The following DPYSL2 variants were observed in gnomAD, a reference collection of about 807,000 sequenced individuals.
The protein encoded by DPYSL2 is dihydropyrimidinase-related protein 2.
Under a neutral mutation model 69.9 loss-of-function variants are expected in DPYSL2, and 13 were observed. The observed-to-expected ratio is 0.19, with a 90% CI of 0.12 to 0.30. The LOEUF (loss-of-function observed/expected upper bound fraction) is 0.30. Among genes scored for constraint, DPYSL2 ranks in the 10% least tolerant of loss-of-function variants. DPYSL2 has a pLI of 1.00. For missense variants in DPYSL2, 587 were observed against 918.9 expected (o/e 0.64, Z 4.67); for synonymous variants, 326 against 359.1 (o/e 0.91, Z 1.04).
intron 7 of DPYSL2, among the ~76,000 whole-genome samples, chr8:26,630,767 C>T (rs1802753822): frequency 6.6e-6 from 1 of 152,150 alleles, no homozygotes; most frequent in African/African-American, 2.4e-5. Flanking sequence ...TAAGTGACTG[C>T]CCAGTTATCA....
At chr8:26,575,921 G>A (rs1206067493) in intron 1 of DPYSL2, among the ~76,000 whole-genome samples, 1 of 152,172 alleles carries the variant, frequency 6.6e-6, no homozygotes, top group African/African-American at 2.4e-5. Context: ...GGGACTGACT[G>A]TTGGTTTTTC....
In DPYSL2 at chr8:26,542,177, A is replaced by G. The variant is rs191310594; in HGVS notation, c.354+27498A>G. Among the ~76,000 whole-genome samples the G allele has an allele frequency of 1.8e-3, 271 of 152,268 alleles. 1 individual carries two copies. The highest frequency in any genetic ancestry group is 6.2e-3 in the African/African-American group (259 of 41,546). On this transcript the variant is annotated intron_variant, in intron 1 of 13. Coordinates refer to ENST00000521913, the MANE Select transcript of DPYSL2 (RefSeq NM_001197293.3). ...GTTGTGCATGTCTGCAGTCCTAGCT[A>G]CTAGGAAGGCTGAGGTGGGAGAATC...
chr8:26,552,045 C>G (rs886101028), intron 1 of DPYSL2, among the ~76,000 whole-genome samples: 6 of 152,116 alleles, frequency 3.9e-5, no homozygotes, highest in African/African-American at 7.2e-5. Context: ...AACACTTAGG[C>G]TCAAGCAATC....
rs1279412804 is a variant in DPYSL2 at position 26,650,186 on chromosome 8, C to T, written c.1597-2071C>T. ...TCACATGAGTCCTGCAAAGGGGGAC[C>T]TACTTACCCCTCACAGATGAGGAGG... On this transcript the variant is annotated intron_variant, in intron 11 of 13. Coordinates refer to ENST00000521913, the MANE Select transcript of DPYSL2 (RefSeq NM_001197293.3). The surrounding 1 kb of genome is among the most constrained non-coding windows in gnomAD (Gnocchi z 5.3). Among the ~76,000 whole-genome samples the T allele has an allele frequency of 6.6e-6, 1 of 152,176 alleles. No homozygotes were observed. Among genetic ancestry groups the T allele is most frequent in the East Asian group, 1.9e-4 (1 of 5,190 alleles).
intron 3 of DPYSL2, among the ~76,000 whole-genome samples, chr8:26,602,424 G>A (rs1255562713): frequency 1.3e-5 from 2 of 152,132 alleles, no homozygotes; most frequent in East Asian, 3.9e-4. Flanking sequence ...TGTTTTGGAT[G>A]TAACAGCGAT....
intron 1 of DPYSL2, among the ~76,000 whole-genome samples, chr8:26,575,567 T>C (rs1801313721): frequency 6.6e-6 from 1 of 152,218 alleles, no homozygotes; most frequent in Non-Finnish European, 1.5e-5. Flanking sequence ...GTTTATACCT[T>C]ACATTTTTGG....
chr8:26,577,992 C>T (rs1433791049), intron 1 of DPYSL2: 2 of 1,252,530 alleles, frequency 1.6e-6, no homozygotes, highest in Non-Finnish European at 2.0e-6. Context: ...TCTCTCTCTC[C>T]TTCTCTCTCT....
In DPYSL2 at chr8:26,643,303, C is replaced by T. The variant is rs889170647; in HGVS notation, c.1127-136C>T. ...CTCCAAGTCTCAGTTTCCTCATCTG[C>T]GAGATGAGCCTGATATTTCCTATAA... is the stretch of plus-strand genomic sequence containing the variant. On this transcript the variant is annotated intron_variant, in intron 8 of 13. Coordinates refer to ENST00000521913, the MANE Select transcript of DPYSL2 (RefSeq NM_001197293.3). This position sits in a 1 kb window ranked among gnomAD's most constrained non-coding sequence, Gnocchi z 6.5. 7.1e-5 allele frequency: 66 copies of T among 924,768 alleles called. No homozygotes were observed. The Admixed American group carries it at 1.1e-3, about 16-fold the overall frequency. The allele number at this position is 924,768 out of a possible 1,614,324, so 57.3% of individuals were successfully genotyped here. A position where few individuals can be genotyped will look rare whatever the true frequency, so the allele number is the denominator to read the frequency against.
At position 26,641,573 on chromosome 8, in the gene DPYSL2, C is replaced by A. The variant is rs4733048; in HGVS notation, c.1127-1866C>A. On this transcript the variant is annotated intron_variant, in intron 8 of 13. Transcript: ENST00000521913. This position sits in a 1 kb window ranked among gnomAD's most constrained non-coding sequence, Gnocchi z 4.1. ...CTCATTATGTGGTGTTTTTCCACTTCGGGATGAACCGGAGTGGTTTGTGCA... is the reference window on the plus strand; with the variant it reads ...CTCATTATGTGGTGTTTTTCCACTTAGGGATGAACCGGAGTGGTTTGTGCA... Among the ~76,000 whole-genome samples the A allele has an allele frequency of 2.0e-5, 3 of 152,214 alleles. No individual in the cohort carries two copies. The highest frequency in any genetic ancestry group is 4.4e-5 in the Non-Finnish European group (3 of 68,048).
chr8:26,594,889 G>T (rs1355913329), intron 3 of DPYSL2, among the ~76,000 whole-genome samples: 1 of 152,098 alleles, frequency 6.6e-6, no homozygotes, highest in African/African-American at 2.4e-5. Context: ...TGTATAAGAA[G>T]CTTTCTTATT....
At position 26,620,919 on chromosome 8, in the gene DPYSL2, C is replaced by G. The variant is rs1236170127; in HGVS notation, c.629-3224C>G. ...ATACAAACACACACATATGTACACA[C>G]TTGCATCCACATCTACATACACATA... On this transcript the variant is annotated intron_variant, in intron 3 of 13. Coordinates refer to ENST00000521913, the MANE Select transcript of DPYSL2 (RefSeq NM_001197293.3). The surrounding 1 kb of genome is among the most constrained non-coding windows in gnomAD (Gnocchi z 4.5). Among the ~76,000 whole-genome samples, 1 of 152,192 alleles carries G rather than the reference C, an allele frequency of 6.6e-6. No individual in the cohort carries two copies. The highest frequency in any genetic ancestry group is 1.5e-5 in the Non-Finnish European group (1 of 68,040).
At position 26,557,623 on chromosome 8, in the gene DPYSL2, C is replaced by CAAAAAAA. The variant is rs56215906; in HGVS notation, c.355-24333_355-24327dup. 4.3e-3 allele frequency among the ~76,000 whole-genome samples: 320 copies of CAAAAAAA among 74,312 alleles called. 22 individuals carry two copies. The highest frequency in any genetic ancestry group is 8.4e-3 in the South Asian group (12 of 1,424). The allele number at this position is 74,312 out of a possible 152,430, so 48.8% of individuals were successfully genotyped here. A position where few individuals can be genotyped will look rare whatever the true frequency, so the allele number is the denominator to read the frequency against. ...CAAAACCCTGTCTCTACTAAAAATA[C>CAAAAAAA]AAAAAAAAAAAAAAAAAAAGCCAGG... On this transcript the variant is annotated intron_variant, in intron 1 of 13. Coordinates refer to ENST00000521913, the MANE Select transcript of DPYSL2 (RefSeq NM_001197293.3).
chr8:26,577,787 T>C, intron 1 of DPYSL2: 2 of 991,936 alleles, frequency 2.0e-6, no homozygotes, highest in South Asian at 4.4e-5. Context: ...CATTTCGCGC[T>C]CTCGCGCCGC....
Position 26,643,404 on chromosome 8 carries a change from G to A in DPYSL2, c.1127-35G>A. ...GGGGTGGTTCCCTTCCCCCTGCATT[G>A]TGTTGGACTGAACCTTGTGTGTTCT... On this transcript the variant is annotated intron_variant, in intron 8 of 13. Coordinates refer to ENST00000521913, the MANE Select transcript of DPYSL2 (RefSeq NM_001197293.3). The surrounding 1 kb of genome is among the most constrained non-coding windows in gnomAD (Gnocchi z 6.5). 1 of 1,556,012 alleles carries A rather than the reference G, an allele frequency of 6.4e-7. No individual in the cohort carries two copies. The highest frequency in any genetic ancestry group is 1.3e-5 in the South Asian group (1 of 79,490).
At chr8:26,557,964 G>A (rs2165764) in intron 1 of DPYSL2, among the ~76,000 whole-genome samples, 15,511 of 151,792 alleles carry the variant, frequency 0.1, 876 homozygotes, top group Non-Finnish European at 0.12. Context: ...AGGATGTGGA[G>A]CAACAGGAAC....
intron 3 of DPYSL2, among the ~76,000 whole-genome samples, chr8:26,584,803 G>C (rs1333076814): frequency 6.6e-6 from 1 of 151,982 alleles, no homozygotes; most frequent in Non-Finnish European, 1.5e-5. Flanking sequence ...ATTTTTAGTA[G>C]AGACGGGGGT....
At position 26,514,705 on chromosome 8, in the gene DPYSL2, A is replaced by C; in HGVS notation, c.354+26A>C. 456 of 661,138 alleles carry C rather than the reference A, an allele frequency of 6.9e-4. No individual in the cohort carries two copies. The highest frequency in any genetic ancestry group is 1.2e-3 in the Middle Eastern group (3 of 2,408). The allele number at this position is 661,138 out of a possible 1,614,324, so 41.0% of individuals were successfully genotyped here. The stretch of plus-strand genomic sequence containing the variant: ...GTCGGTGTGGGGGTTGGGGGTGGAG[A>C]CGGAGGACGGGGCGCGGGGATCGCC... On this transcript the variant is annotated intron_variant, in intron 1 of 13. Coordinates refer to ENST00000521913, the MANE Select transcript of DPYSL2 (RefSeq NM_001197293.3). The surrounding 1 kb of genome is among the most constrained non-coding windows in gnomAD (Gnocchi z 8.4).
chr8:26,546,669 C>G (rs1031019279), intron 1 of DPYSL2, among the ~76,000 whole-genome samples: 2 of 151,900 alleles, frequency 1.3e-5, no homozygotes, highest in African/African-American at 4.8e-5. Flanking sequence ...CCTGTAATCC[C>G]AGCACTTTGG....
intron 1 of DPYSL2, among the ~76,000 whole-genome samples, chr8:26,559,024 C>G (rs1801033557): frequency 6.6e-6 from 1 of 152,172 alleles, no homozygotes; most frequent in Admixed American, 6.5e-5. Context: ...CTCGCTGCAA[C>G]CTCTGCCTCC....
Sources: allele counts gnomAD v4.1 joint callset (sites outside exome capture counted in the v4.1 genomes callset), GRCh38; gene constraint gnomAD v4.1.1; non-coding constraint Gnocchi (gnomAD v3.1); transcripts MANE v1.5; gene names NCBI Gene and HGNC (gene_info 2026-07-23, HGNC 2026-07-21).